Variants in CSMD1 observed in about 807,000 individuals in gnomAD.
CSMD1 encodes the protein CUB and Sushi multiple domains 1.
CSMD1 carries 213 observed loss-of-function variants against 417.5 expected under a neutral mutation model. That is an observed-to-expected ratio of 0.51 (90% CI 0.46 to 0.57). CSMD1 has a LOEUF of 0.57. Among genes scored for constraint, CSMD1 ranks in the 20% least tolerant of loss-of-function variants. The pLI is 0.00. For synonymous variants in CSMD1, 2,862 were observed against 1,736.8 expected (o/e 1.65, Z -16.11); for missense variants, 6,923 against 4,529.7 (o/e 1.53, Z -15.17).
At chr8:3,084,612 G>C (rs948875008) in intron 49 of CSMD1, among the ~76,000 whole-genome samples, 2 of 150,202 alleles carry the variant, frequency 1.3e-5, no homozygotes, top group Non-Finnish European at 2.9e-5. Context: ...TCTCTTTGTT[G>C]CACACTACAA....
At chr8:4,237,567 C>T (rs1802144159) in intron 3 of CSMD1, among the ~76,000 whole-genome samples, 1 of 150,930 alleles carries the variant, frequency 6.6e-6, no homozygotes, top group Non-Finnish European at 1.5e-5. Context: ...TGGAGTCTTG[C>T]TCTGTCAACC....
intron 3 of CSMD1, among the ~76,000 whole-genome samples, chr8:4,333,683 T>C (rs890730672): frequency 1.3e-5 from 2 of 152,228 alleles, no homozygotes; most frequent in East Asian, 3.9e-4. Context: ...TTTTCTACGA[T>C]ACCATTTAAT....
intron 2 of CSMD1, among the ~76,000 whole-genome samples, chr8:4,495,880 T>C (rs965242615): frequency 6.6e-6 from 1 of 152,132 alleles, no homozygotes; most frequent in East Asian, 1.9e-4. Context: ...TTTTTCTGTG[T>C]TTTTTGCTCC....
At position 3,997,455 on chromosome 8, in the gene CSMD1, G is replaced by C. The variant is rs184204343; in HGVS notation, c.818+448C>G. Among the ~76,000 whole-genome samples, 906 of 152,270 alleles carry C rather than the reference G, an allele frequency of 5.9e-3. 5 individuals are homozygous for C. The highest frequency in any genetic ancestry group is 9.2e-3 in the Non-Finnish European group (625 of 68,032). On this transcript the variant is annotated intron_variant, in intron 5 of 69. Coordinates refer to ENST00000635120, the MANE Select transcript of CSMD1 (RefSeq NM_033225.6). ...TTGTAGCCACGGGCACTTCCCCACA[G>C]GTGGCTACAGAATGTGGTACACAGT...
chr8:3,019,390 C>T (rs1395577949), intron 51 of CSMD1, among the ~76,000 whole-genome samples: 1 of 152,170 alleles, frequency 6.6e-6, no homozygotes, highest in African/African-American at 2.4e-5. Context: ...TTACCAGAAG[C>T]CTCAGGAGCC....
intron 6 of CSMD1, among the ~76,000 whole-genome samples, chr8:3,738,331 T>A (rs952393106): frequency 6.6e-6 from 1 of 152,324 alleles, no homozygotes; most frequent in African/African-American, 2.4e-5. Flanking sequence ...TTTCAATACA[T>A]CGTACAATGC....
intron 5 of CSMD1, among the ~76,000 whole-genome samples, chr8:3,883,854 G>A (rs565416398): frequency 6.6e-6 from 1 of 151,960 alleles, no homozygotes; most frequent in Non-Finnish European, 1.5e-5. Flanking sequence ...AATTTTGACA[G>A]AAAAGAGGAA....
At chr8:4,671,828 G>T (rs180791674) in intron 1 of CSMD1, among the ~76,000 whole-genome samples, 2 of 152,072 alleles carry the variant, frequency 1.3e-5, no homozygotes, top group African/African-American at 4.8e-5. Flanking sequence ...AAAAACTTAC[G>T]TTTGAGGAGT....
In CSMD1 at chr8:3,214,528, G is replaced by A; in HGVS notation, c.4836C>T (p.Pro1612=). ...AGGAGGGCAGCACTTGGTCCCAGGA[G>A]GGTTTCCCATCAGCCCCAATCACAC... The part of the protein sequence containing the change: ...ITCVIGADGK[P]SWDQVLPSCN... The change falls in exon 30 of 70, where the codon CCC becomes CCT. Residue 1612 remains proline, a synonymous_variant. Coordinates refer to ENST00000635120, the MANE Select transcript of CSMD1 (RefSeq NM_033225.6). 2 of 1,600,304 alleles carry A rather than the reference G, an allele frequency of 1.2e-6. No homozygotes were observed. The highest frequency in any genetic ancestry group is 1.7e-4 in the Middle Eastern group (1 of 6,028).
intron 3 of CSMD1, among the ~76,000 whole-genome samples, chr8:4,201,481 T>C (rs1345640996): frequency 7.9e-6 from 1 of 126,056 alleles, no homozygotes; most frequent in African/African-American, 3.1e-5. Flanking sequence ...GAGCTTGCAG[T>C]GAGCCGACAT....
At chr8:4,906,612 G>A (rs1448851794) in intron 1 of CSMD1, among the ~76,000 whole-genome samples, 2 of 151,292 alleles carry the variant, frequency 1.3e-5, no homozygotes, top group Non-Finnish European at 2.9e-5. Context: ...AGGTTGAAGT[G>A]CAGTGGCACA....
chr8:4,545,149 A>G (rs1248734962), intron 2 of CSMD1, among the ~76,000 whole-genome samples: 2 of 152,186 alleles, frequency 1.3e-5, no homozygotes, highest in African/African-American at 2.4e-5. Context: ...AGTGAAACAG[A>G]CCTTTCTTAA....
At chr8:3,303,816 C>G (rs906247816) in intron 25 of CSMD1, among the ~76,000 whole-genome samples, 5 of 152,186 alleles carry the variant, frequency 3.3e-5, no homozygotes, top group Non-Finnish European at 4.4e-5. Context: ...GCTAAATTTT[C>G]TACAATGTCT....
At position 4,753,838 on chromosome 8, in the gene CSMD1, A is replaced by C. The variant is rs114164018; in HGVS notation, c.86-116280T>G. Among the ~76,000 whole-genome samples, 854 of 152,204 alleles carry C rather than the reference A, an allele frequency of 5.6e-3. 10 individuals carry two copies. The highest frequency in any genetic ancestry group is 0.019 in the African/African-American group (787 of 41,528). ...TTTCTTCATCCTGTTATTATTTCGC[A>C]CTGTGATAATTGAACTAGATTCCTT... On this transcript the variant is annotated intron_variant, in intron 1 of 69. Coordinates refer to ENST00000635120, the MANE Select transcript of CSMD1 (RefSeq NM_033225.6).
At chr8:3,421,494 T>C (rs569663819) in intron 12 of CSMD1, among the ~76,000 whole-genome samples, 1 of 152,316 alleles carries the variant, frequency 6.6e-6, no homozygotes, top group South Asian at 2.1e-4. Context: ...AAACAAAGAA[T>C]AGAGGAGTTC....
chr8:4,325,578 G>A (rs563073025), intron 3 of CSMD1, among the ~76,000 whole-genome samples: 2 of 152,260 alleles, frequency 1.3e-5, no homozygotes, highest in South Asian at 2.1e-4. Flanking sequence ...TTTCCGGTGA[G>A]GTAAGAATTA....
chr8:4,165,729 A>T (rs1269150855), intron 3 of CSMD1, among the ~76,000 whole-genome samples: 1 of 152,124 alleles, frequency 6.6e-6, no homozygotes, highest in Non-Finnish European at 1.5e-5. Flanking sequence ...TACAAGTTTA[A>T]TCACTAAGCA....
At chr8:3,959,632 T>C (rs567697954) in intron 5 of CSMD1, among the ~76,000 whole-genome samples, 1 of 152,216 alleles carries the variant, frequency 6.6e-6, no homozygotes, top group East Asian at 1.9e-4. Flanking sequence ...TCACTTGTAA[T>C]TTATGTTTTT....
At position 4,787,539 on chromosome 8, in the gene CSMD1, C is replaced by G. The variant is rs545884146; in HGVS notation, c.86-149981G>C. 24 of 1,357,348 alleles carry G rather than the reference C, an allele frequency of 1.8e-5. 1 individual carries two copies. The South Asian group carries it at 2.6e-4, about 15-fold the overall frequency. The allele number at this position is 1,357,348 out of a possible 1,614,324, so 84.1% of individuals were successfully genotyped here. A position where few individuals can be genotyped will look rare whatever the true frequency, so the allele number is the denominator to read the frequency against. On this transcript the variant is annotated intron_variant, in intron 1 of 69. Transcript: ENST00000635120. ...TTATAGGAAGCAGGTATTAAAACTG[C>G]CTTCACCAGAAAATGTGGGGAGACA...
Sources: gnomAD v4.1 joint callset for allele counts (sites outside exome capture counted in the v4.1 genomes callset) on GRCh38, gnomAD v4.1.1 for gene constraint, MANE v1.5 for transcripts, NCBI Gene and HGNC (gene_info 2026-07-23, HGNC 2026-07-21) for gene names.